Variants in SPOCK3 observed in about 807,000 individuals in gnomAD.
SPOCK3 encodes the protein testican-3.
A neutral mutation model predicts 56.6 loss-of-function variants in SPOCK3; 30 were observed. The observed-to-expected ratio is 0.53, with a 90% CI of 0.40 to 0.72. The LOEUF is 0.72. SPOCK3 is among the 30% of genes least tolerant of loss of function. SPOCK3 has a pLI of 0.00. For missense variants in SPOCK3, 527 were observed against 530.0 expected (o/e 0.99, Z 0.06); for synonymous variants, 196 against 183.3 (o/e 1.07, Z -0.56).
At chr4:166,952,227 C>T (rs544905003) in intron 4 of SPOCK3, among the ~76,000 whole-genome samples, 11 of 152,274 alleles carry the variant, frequency 7.2e-5, no homozygotes, top group African/African-American at 2.6e-4. Context: ...TAAGCAACTT[C>T]AGCAAAGTCT....
At chr4:167,083,527 T>C (rs180830870) in intron 2 of SPOCK3, among the ~76,000 whole-genome samples, 71 of 152,282 alleles carry the variant, frequency 4.7e-4, no homozygotes, top group Non-Finnish European at 5.3e-4. Flanking sequence ...ATTGTCATTT[T>C]GTTTAGACAA....
At chr4:166,873,525 G>A (rs1458972621) in intron 6 of SPOCK3, among the ~76,000 whole-genome samples, 1 of 152,050 alleles carries the variant, frequency 6.6e-6, no homozygotes, top group Admixed American at 6.6e-5. Flanking sequence ...ATGTTAAATC[G>A]CTGTACCTTC....
chr4:166,885,115 C>G lies in SPOCK3; in HGVS notation c.589+4015G>C, dbSNP rs183833206. 1.9e-4 allele frequency among the ~76,000 whole-genome samples: 29 copies of G among 151,914 alleles called. No individual in the cohort carries two copies. In the East Asian group the frequency reaches 5.4e-3, roughly 28 times the overall value. On this transcript the variant is annotated intron_variant, in intron 6 of 10. Coordinates refer to ENST00000357545, the MANE Select transcript of SPOCK3 (RefSeq NM_001040159.2). ...TATAAATCACCCAGATTACTAAATT[C>G]AGAATAATCTTAGAGGGATTCTTTT...
chr4:166,975,275 T>C, intron 4 of SPOCK3, among the ~76,000 whole-genome samples: 1 of 152,206 alleles, frequency 6.6e-6, no homozygotes, highest in East Asian at 1.9e-4. Flanking sequence ...TATGTATAAT[T>C]TGGAATATAA....
intron 4 of SPOCK3, among the ~76,000 whole-genome samples, chr4:166,945,268 A>G (rs1741588109): frequency 6.6e-6 from 1 of 152,168 alleles, no homozygotes; most frequent in Admixed American, 6.6e-5. Flanking sequence ...TAGATATAGG[A>G]AATACATTCA....
intron 4 of SPOCK3, among the ~76,000 whole-genome samples, chr4:166,949,740 G>A (rs114916043): frequency 1.3e-5 from 2 of 152,078 alleles, no homozygotes; most frequent in Admixed American, 6.6e-5. Flanking sequence ...TGAAGTGTCA[G>A]TCTGCCCACT....
At chr4:166,747,740 T>C (rs925064999) in intron 8 of SPOCK3, among the ~76,000 whole-genome samples, 9 of 151,920 alleles carry the variant, frequency 5.9e-5, no homozygotes, top group African/African-American at 1.9e-4. Context: ...AAAACCCCAC[T>C]GTCTCAGCCC....
chr4:166,779,656 T>A (rs565412950), intron 7 of SPOCK3, among the ~76,000 whole-genome samples: 1 of 152,030 alleles, frequency 6.6e-6, no homozygotes, highest in Admixed American at 6.6e-5. Flanking sequence ...CTATGACATA[T>A]ACATTTGAAG....
chr4:166,945,265 A>T (rs1274416850), intron 4 of SPOCK3, among the ~76,000 whole-genome samples: 3 of 152,180 alleles, frequency 2.0e-5, no homozygotes, highest in Non-Finnish European at 2.9e-5. Context: ...AAATAGATAT[A>T]GGAAATACAT....
chr4:167,142,900 A>T (rs998018290), intron 2 of SPOCK3, among the ~76,000 whole-genome samples: 2 of 151,966 alleles, frequency 1.3e-5, no homozygotes, highest in Non-Finnish European at 1.5e-5. Flanking sequence ...AAACGTGTGG[A>T]TGCAACAAAA....
intron 5 of SPOCK3, among the ~76,000 whole-genome samples, chr4:166,893,508 C>T (rs1735009316): frequency 6.6e-6 from 1 of 152,034 alleles, no homozygotes; most frequent in South Asian, 2.1e-4. Context: ...ATGTATTATT[C>T]TTTTGATCAT....
chr4:166,951,286 A>G (rs1742582646), intron 4 of SPOCK3, among the ~76,000 whole-genome samples: 2 of 139,780 alleles, frequency 1.4e-5, no homozygotes, highest in South Asian at 4.4e-4. Flanking sequence ...AACTACCATC[A>G]GAGATTACTA....
intron 2 of SPOCK3, among the ~76,000 whole-genome samples, chr4:167,223,916 T>G (rs553646023): frequency 1.3e-5 from 2 of 152,262 alleles, no homozygotes; most frequent in Admixed American, 6.5e-5. Flanking sequence ...TATAAAATTT[T>G]TAGTACTTAC....
intron 6 of SPOCK3, among the ~76,000 whole-genome samples, chr4:166,878,487 T>C (rs1017295430): frequency 6.6e-6 from 1 of 151,716 alleles, no homozygotes; most frequent in Non-Finnish European, 1.5e-5. Context: ...ATATTTTATA[T>C]GTATATTTTA....
intron 6 of SPOCK3, among the ~76,000 whole-genome samples, chr4:166,851,818 A>C (rs1487016847): frequency 2.0e-5 from 3 of 151,992 alleles, no homozygotes; most frequent in Non-Finnish European, 4.4e-5. Flanking sequence ...AAAGACTATA[A>C]ATCATGCTGC....
At chr4:167,171,509 T>C (rs1012530027) in intron 2 of SPOCK3, among the ~76,000 whole-genome samples, 1 of 152,172 alleles carries the variant, frequency 6.6e-6, no homozygotes, top group Non-Finnish European at 1.5e-5. Context: ...GGCCTTATTT[T>C]AGCTGAAATA....
chr4:167,119,149 G>A (rs977584988), intron 2 of SPOCK3, among the ~76,000 whole-genome samples: 1 of 147,702 alleles, frequency 6.8e-6, no homozygotes, highest in African/African-American at 2.5e-5. Flanking sequence ...GGGGAGGGGG[G>A]GGAACACCAT....
rs201568543 is a variant in SPOCK3, at chr4:166,913,600, A to AT, written c.351-858dup. 5.0e-3 allele frequency among the ~76,000 whole-genome samples: 754 copies of AT among 152,010 alleles called. 9 individuals carry two copies. The highest frequency in any genetic ancestry group is 0.017 in the African/African-American group (720 of 41,476). On this transcript the variant is annotated intron_variant, in intron 4 of 10. Transcript: ENST00000357545. ...TGAGAATAGATATTTTACCAGAAACATTTTTTTTCTTTTTGCTTTTTGTTT... is the reference window on the plus strand; with the variant it reads ...TGAGAATAGATATTTTACCAGAAACATTTTTTTTTCTTTTTGCTTTTTGTTT...
intron 4 of SPOCK3, among the ~76,000 whole-genome samples, chr4:166,999,345 T>TGTACAACAAGAG: frequency 6.6e-6 from 1 of 152,286 alleles, no homozygotes; most frequent in Admixed American, 6.5e-5. Flanking sequence ...CAGGGTGTTA[T>TGTACAACAAGAG]GTATATGTCC....
Sources: allele counts gnomAD v4.1 joint callset (sites outside exome capture counted in the v4.1 genomes callset), GRCh38; gene constraint gnomAD v4.1.1; transcripts MANE v1.5; gene names NCBI Gene and HGNC (gene_info 2026-07-23, HGNC 2026-07-21).